The following TOM1L2 variants were observed in gnomAD, a reference collection of about 807,000 sequenced individuals.
The protein encoded by TOM1L2 is target of myb1 like 2 membrane trafficking protein, also known as TOM1-like protein 2.
Under a neutral mutation model 67.9 loss-of-function variants are expected in TOM1L2, and 31 were observed. The ratio of observed to expected loss-of-function variants is 0.46; its 90% confidence interval spans 0.34 to 0.62. TOM1L2 has a LOEUF of 0.62. Ranked by LOEUF, TOM1L2 falls within the 20% of genes least tolerant of loss-of-function variation. The pLI, the probability that TOM1L2 is intolerant of heterozygous loss-of-function variation, is 0.01. For missense variants in TOM1L2, 606 were observed against 663.5 expected (o/e 0.91, Z 0.95); for synonymous variants, 256 against 254.0 (o/e 1.01, Z -0.07).
intron 1 of TOM1L2, among the ~76,000 whole-genome samples, chr17:17,954,205 G>GGAGGGA (rs1469590742): frequency 2.0e-5 from 3 of 152,200 alleles, no homozygotes; most frequent in Admixed American, 1.3e-4. Flanking sequence ...GCACAGAAAA[G>GGAGGGA]GAGGGAGTGG....
chr17:17,934,185 C>T (rs964795261), intron 1 of TOM1L2, among the ~76,000 whole-genome samples: 1 of 152,176 alleles, frequency 6.6e-6, no homozygotes, highest in African/African-American at 2.4e-5. Flanking sequence ...TTTCAAAGTG[C>T]TCCAATCCCA....
intron 6 of TOM1L2, among the ~76,000 whole-genome samples, chr17:17,880,842 G>A (rs917727537): frequency 1.3e-5 from 2 of 152,186 alleles, no homozygotes; most frequent in Admixed American, 6.5e-5. Flanking sequence ...AAGGTCCAGA[G>A]AGAGGAACTG....
At chr17:17,886,868 C>T (rs2038026390) in intron 4 of TOM1L2, among the ~76,000 whole-genome samples, 1 of 152,194 alleles carries the variant, frequency 6.6e-6, no homozygotes. Flanking sequence ...CCAAGTTGGG[C>T]CAATCAGATG....
intron 12 of TOM1L2, chr17:17,851,377 A>G: frequency 3.6e-6 from 1 of 279,608 alleles, no homozygotes; most frequent in East Asian, 1.0e-4. Context: ...CAACCCAGGG[A>G]AGGCCAAGTG....
intron 1 of TOM1L2, among the ~76,000 whole-genome samples, chr17:17,936,528 G>A (rs2040521127): frequency 6.6e-6 from 1 of 152,048 alleles, no homozygotes; most frequent in Non-Finnish European, 1.5e-5. Flanking sequence ...AAAGATATAA[G>A]CCCTAAGATG....
chr17:17,965,035 G>T (rs1402702370), intron 1 of TOM1L2, among the ~76,000 whole-genome samples: 1 of 152,028 alleles, frequency 6.6e-6, no homozygotes, highest in Non-Finnish European at 1.5e-5. Flanking sequence ...TTTCTGAGGG[G>T]GCTTCATAGA....
At chr17:17,920,950 A>T (rs2039839956) in intron 1 of TOM1L2, among the ~76,000 whole-genome samples, 1 of 152,188 alleles carries the variant, frequency 6.6e-6, no homozygotes, top group Non-Finnish European at 1.5e-5. Context: ...CATCTTACAT[A>T]ACCACTGCAC....
chr17:17,946,666 G>A (rs1479915170), intron 1 of TOM1L2, among the ~76,000 whole-genome samples: 1 of 152,140 alleles, frequency 6.6e-6, no homozygotes, highest in Admixed American at 6.5e-5. Context: ...TGGGTGCAGA[G>A]GCTGCAGGAG....
chr17:17,970,036 G>T (rs749736892), intron 1 of TOM1L2, among the ~76,000 whole-genome samples: 6 of 151,860 alleles, frequency 4.0e-5, no homozygotes, highest in South Asian at 2.1e-4. Flanking sequence ...CTTATATTTG[G>T]TTTTTTGTTG....
chr17:17,940,151 C>T (rs1415747260), intron 1 of TOM1L2, among the ~76,000 whole-genome samples: 1 of 147,314 alleles, frequency 6.8e-6, no homozygotes, highest in Admixed American at 6.8e-5. Context: ...TGAGATCACG[C>T]CTCTGCATTC....
intron 1 of TOM1L2, among the ~76,000 whole-genome samples, chr17:17,961,794 C>T (rs1473918116): frequency 7.2e-5 from 11 of 151,860 alleles, no homozygotes. Context: ...ATGGCGTGAA[C>T]CCGGGAGGTG....
intron 14 of TOM1L2, 49 bp from the exon 15 acceptor site, chr17:17,847,832 C>T: frequency 6.2e-7 from 1 of 1,611,866 alleles, no homozygotes; most frequent in African/African-American, 1.3e-5. Context: ...GGCAGGCCAC[C>T]AGAGGAAGCG....
Position 17,869,288 on chromosome 17 carries a change from T to C in TOM1L2, c.911+52A>G, listed in dbSNP as rs759186241. On this transcript the variant is annotated intron_variant, in intron 8 of 14. Transcript: ENST00000379504. Reference sequence around the variant, plus strand: ...GTTTATGAAAGAAATCCCTCTGTTATGGCAACAATCTTTTCAAGGGAAAAA... The same window carrying C: ...GTTTATGAAAGAAATCCCTCTGTTACGGCAACAATCTTTTCAAGGGAAAAA... The C allele has an allele frequency of 5.0e-6, 8 of 1,595,212 alleles. No homozygotes were observed. In the East Asian group the frequency reaches 1.3e-4, roughly 27 times the overall value.
chr17:17,855,677 C>G (rs2143599407), intron 12 of TOM1L2, among the ~76,000 whole-genome samples: 1 of 152,346 alleles, frequency 6.6e-6, no homozygotes, highest in South Asian at 2.1e-4. Context: ...AGATGCTCCT[C>G]TGCAGCTTCC....
chr17:17,899,175 C>G (rs2038725386), intron 2 of TOM1L2, among the ~76,000 whole-genome samples: 1 of 152,202 alleles, frequency 6.6e-6, no homozygotes, highest in Non-Finnish European at 1.5e-5. Flanking sequence ...TTATTCAAAA[C>G]CCTAACTAAC....
At chr17:17,890,248 A>G (rs1458865088) in intron 4 of TOM1L2, among the ~76,000 whole-genome samples, 2 of 152,186 alleles carry the variant, frequency 1.3e-5, no homozygotes, top group African/African-American at 2.4e-5. Context: ...CGAAGCAACT[A>G]ACATTCTTGG....
At chr17:17,881,226 T>C (rs1361345038) in intron 6 of TOM1L2, among the ~76,000 whole-genome samples, 1 of 152,044 alleles carries the variant, frequency 6.6e-6, no homozygotes, top group East Asian at 1.9e-4. Flanking sequence ...AAAGTCTTGG[T>C]AGAGAGAAGA....
At chr17:17,898,823 T>C in intron 2 of TOM1L2, 149 bp from the exon 3 acceptor site, 2 of 728,930 alleles carry the variant, frequency 2.7e-6, no homozygotes, top group Non-Finnish European at 2.4e-6. Flanking sequence ...TGAATGTCCA[T>C]CAATACACAA....
chr17:17,867,830 G>A (rs558602906), intron 8 of TOM1L2, among the ~76,000 whole-genome samples: 1 of 152,176 alleles, frequency 6.6e-6, no homozygotes, highest in Admixed American at 6.5e-5. Context: ...TTTTAAAAAC[G>A]ACTTGTGTGT....
Sources: gnomAD v4.1 joint callset for allele counts (sites outside exome capture counted in the v4.1 genomes callset) on GRCh38, gnomAD v4.1.1 for gene constraint, MANE v1.5 for transcripts, NCBI Gene and HGNC (gene_info 2026-07-23, HGNC 2026-07-21) for gene names.